MAGI2: variants seen among roughly 807,000 people sequenced by gnomAD.
MAGI2 encodes membrane-associated guanylate kinase, WW and PDZ domain-containing protein 2.
Under a neutral mutation model 133.3 loss-of-function variants are expected in MAGI2, and 35 were observed. The ratio of observed to expected loss-of-function variants is 0.26; its 90% CI spans 0.20 to 0.35. The LOEUF (loss-of-function observed/expected upper bound fraction) is 0.35. Ranked by LOEUF, MAGI2 falls within the 10% of genes least tolerant of loss-of-function variation. The pLI is 1.00. For synonymous variants in MAGI2, 729 were observed against 710.6 expected (o/e 1.03, Z -0.41); for missense variants, 1,636 against 1,863.4 (o/e 0.88, Z 2.25).
chr7:78,621,648 G>A (rs1036693445), intron 3 of MAGI2, among the ~76,000 whole-genome samples: 4 of 151,964 alleles, frequency 2.6e-5, no homozygotes, highest in African/African-American at 9.7e-5. Context: ...CCTACCTACA[G>A]CCATGTGGCA....
intron 6 of MAGI2, among the ~76,000 whole-genome samples, chr7:78,386,116 C>T (rs1795367264): frequency 6.6e-6 from 1 of 152,014 alleles, no homozygotes; most frequent in Non-Finnish European, 1.5e-5. Flanking sequence ...GGCAGAAGGA[C>T]TAGATTAAAC....
At chr7:78,066,802 C>T (rs1436060995) in intron 21 of MAGI2, among the ~76,000 whole-genome samples, 1 of 152,200 alleles carries the variant, frequency 6.6e-6, no homozygotes, top group Non-Finnish European at 1.5e-5. Context: ...GGGGGATGTG[C>T]TCATTGTGAG....
intron 7 of MAGI2, chr7:78,358,142 G>A (rs1478483401): frequency 1.1e-4 from 12 of 114,074 alleles, no homozygotes; most frequent in South Asian, 6.0e-4. Flanking sequence ...CAGCCTGGGC[G>A]ACAGAGCAAG....
At chr7:79,079,258 G>A (rs564489945) in intron 1 of MAGI2, among the ~76,000 whole-genome samples, 159 of 152,268 alleles carry the variant, frequency 1.0e-3, no homozygotes, top group African/African-American at 2.3e-3. Flanking sequence ...GTCATGGTAA[G>A]CACCTAGAAT....
intron 2 of MAGI2, among the ~76,000 whole-genome samples, chr7:78,821,508 T>C (rs1790109003): frequency 6.6e-6 from 1 of 152,098 alleles, no homozygotes; most frequent in African/African-American, 2.4e-5. Context: ...ATAACAAAAC[T>C]ACAGACTATA....
intron 1 of MAGI2, among the ~76,000 whole-genome samples, chr7:79,294,928 C>T (rs544675697): frequency 2.7e-5 from 4 of 150,180 alleles, no homozygotes; most frequent in Admixed American, 2.7e-4. Context: ...TTAGTAGAGA[C>T]GGGGTTTCAC....
intron 1 of MAGI2, among the ~76,000 whole-genome samples, chr7:79,243,993 T>C (rs1161354818): frequency 6.6e-6 from 1 of 152,140 alleles, no homozygotes. Context: ...TCTGTAGCCC[T>C]CAGCCTTTGG....
rs1794386557 is a variant in MAGI2 at position 78,269,806 on chromosome 7, T to C, written c.1409-13225A>G. On this transcript the variant is annotated intron_variant, in intron 9 of 21. Coordinates refer to ENST00000354212, the MANE Select transcript of MAGI2 (RefSeq NM_012301.4). ...TTGTCAATTTTGGCTTTTGTTGCCA[T>C]TGCTTTTGGTGTTTTAGTCATAAAG... 2.6e-5 allele frequency among the ~76,000 whole-genome samples: 4 copies of C among 152,190 alleles called. No homozygotes were observed. In the South Asian group the frequency reaches 8.3e-4, roughly 32 times the overall value.
At chr7:79,006,688 G>C (rs1263441760) in intron 2 of MAGI2, 1 of 155,190 alleles carries the variant, frequency 6.4e-6, no homozygotes, top group African/African-American at 2.4e-5. Context: ...GATGAGGTTG[G>C]GAGTCACTGT....
chr7:78,646,602 C>T (rs575606656), intron 2 of MAGI2, among the ~76,000 whole-genome samples: 2 of 152,226 alleles, frequency 1.3e-5, no homozygotes, highest in African/African-American at 4.8e-5. Flanking sequence ...CAAAAATATA[C>T]TTGGCAATAC....
chr7:79,259,061 C>T (rs563604362), intron 1 of MAGI2, among the ~76,000 whole-genome samples: 2 of 152,306 alleles, frequency 1.3e-5, no homozygotes, highest in South Asian at 4.1e-4. Context: ...GTTACAACTG[C>T]ATGCTTTACG....
chr7:78,645,669 GTA>G (rs763717276), intron 2 of MAGI2, among the ~76,000 whole-genome samples: 2 of 146,410 alleles, frequency 1.4e-5, no homozygotes, highest in East Asian at 2.1e-4. Context: ...GTGTGTGTGT[GTA>G]TACCATTTAC....
chr7:78,785,894 A>G (rs1029586172), intron 2 of MAGI2, among the ~76,000 whole-genome samples: 1 of 152,176 alleles, frequency 6.6e-6, no homozygotes, highest in African/African-American at 2.4e-5. Flanking sequence ...CTGCCTGGAC[A>G]CTTCCTTGGT....
At chr7:79,435,884 C>T (rs1472828444) in intron 1 of MAGI2, among the ~76,000 whole-genome samples, 1 of 152,094 alleles carries the variant, frequency 6.6e-6, no homozygotes, top group Non-Finnish European at 1.5e-5. Context: ...CTACAGTAAT[C>T]CAAACAGCAT....
chr7:78,454,987 A>C (rs1789154158), intron 6 of MAGI2, among the ~76,000 whole-genome samples: 1 of 152,194 alleles, frequency 6.6e-6, no homozygotes, highest in Non-Finnish European at 1.5e-5. Context: ...TTAATATTGG[A>C]AACACAGCAT....
At chr7:78,821,873 GA>G (rs1446962290) in intron 2 of MAGI2, among the ~76,000 whole-genome samples, 1 of 151,866 alleles carries the variant, frequency 6.6e-6, no homozygotes, top group Non-Finnish European at 1.5e-5. Context: ...TTTCATAAAA[GA>G]AAGGCAAAGA....
intron 10 of MAGI2, among the ~76,000 whole-genome samples, chr7:78,226,358 C>T (rs1258269967): frequency 1.3e-5 from 2 of 149,902 alleles, no homozygotes; most frequent in South Asian, 2.1e-4. Context: ...AGGAACTTCT[C>T]TCAAATGAGG....
intron 2 of MAGI2, among the ~76,000 whole-genome samples, chr7:78,943,319 G>A (rs1371713250): frequency 1.3e-5 from 2 of 152,094 alleles, no homozygotes; most frequent in Non-Finnish European, 2.9e-5. Context: ...AGGAGGCTTT[G>A]GCAAAAAGCT....
At chr7:79,028,235 G>GTATATATCTATATA (rs1554336343) in intron 1 of MAGI2, among the ~76,000 whole-genome samples, 1 of 29,334 alleles carries the variant, frequency 3.4e-5, no homozygotes, top group African/African-American at 9.2e-5. Context: ...ATATATGTAT[G>GTATATATCTATATA]TATATATATA....
Sources: allele counts gnomAD v4.1 joint callset (sites outside exome capture counted in the v4.1 genomes callset), GRCh38; gene constraint gnomAD v4.1.1; transcripts MANE v1.5; gene names NCBI Gene and HGNC (gene_info 2026-07-23, HGNC 2026-07-21).